The following P2RX1 variants were observed in gnomAD, a reference collection of about 807,000 sequenced individuals.
P2RX1 encodes purinergic receptor P2X 1, also known as P2X purinoceptor 1.
Under a neutral mutation model 50.3 loss-of-function variants are expected in P2RX1, and 42 were observed. That is an observed-to-expected ratio of 0.83 (90% CI 0.65 to 1.08). The LOEUF (loss-of-function observed/expected upper bound fraction) is 1.08. P2RX1 is among the 50% of genes least tolerant of loss of function. The pLI is 0.00. For missense variants in P2RX1, 449 were observed against 529.0 expected, an observed-to-expected ratio of 0.85 and a Z score of 1.48; for synonymous variants, 199 against 202.6, an observed-to-expected ratio of 0.98 and a Z score of 0.15.
intron 7 of P2RX1, among the ~76,000 whole-genome samples, chr17:3,902,117 TTTTATTTTTA>T (rs1240521737): frequency 6.6e-6 from 1 of 152,038 alleles, no homozygotes; most frequent in Non-Finnish European, 1.5e-5. Flanking sequence ...CAAGCTGCCT[TTTTATTTTTA>T]TTTATTTTTA....
At chr17:3,905,181 G>A (rs751809041) in intron 2 of P2RX1, 39 bp downstream of exon 2, 2 of 1,607,024 alleles carry the variant, frequency 1.2e-6, no homozygotes, top group South Asian at 2.2e-5. Flanking sequence ...CTCTGAGACA[G>A]GCCCTGTGAG....
At chr17:3,904,253 A>C (rs2144009657) in intron 4 of P2RX1, 77 bp downstream of exon 4, 3 of 1,388,900 alleles carry the variant, frequency 2.2e-6, no homozygotes, top group East Asian at 2.3e-5. Context: ...GAGGCAGGTC[A>C]GCACCAAGCT....
chr17:3,914,537 G>A lies in P2RX1; in HGVS notation c.137+1552C>T, dbSNP rs2056417485. On this transcript the variant is annotated intron_variant, in intron 1 of 11. Transcript: ENST00000225538. This position sits in a 1 kb window ranked among gnomAD's most constrained non-coding sequence, Gnocchi z 4.1. Reference sequence around the variant, plus strand: ...AGAACTAGGGAGCCGCAGGGGCAGAGAGAGGACAGCCTTCCCCCAGCCTCT... The same window carrying A: ...AGAACTAGGGAGCCGCAGGGGCAGAAAGAGGACAGCCTTCCCCCAGCCTCT... Among the ~76,000 whole-genome samples, 1 of 152,184 alleles carries A rather than the reference G, an allele frequency of 6.6e-6. No homozygotes were observed. The highest frequency in any genetic ancestry group is 2.4e-5 in the African/African-American group (1 of 41,432).
chr17:3,910,183 C>G (rs1046463868), intron 1 of P2RX1, among the ~76,000 whole-genome samples: 1 of 152,058 alleles, frequency 6.6e-6, no homozygotes, highest in Non-Finnish European at 1.5e-5. Context: ...CCATGTTGGC[C>G]AGGCTGGTCT....
chr17:3,905,426 C>T (rs1343686298), intron 1 of P2RX1, 59 bp from the exon 2 acceptor site: 29 of 1,584,892 alleles, frequency 1.8e-5, no homozygotes, highest in African/African-American at 9.4e-5. Flanking sequence ...ACCTGTCACA[C>T]GCTTTCCCAC....
intron 1 of P2RX1, among the ~76,000 whole-genome samples, chr17:3,905,701 G>T (rs529842258): frequency 6.6e-6 from 1 of 152,076 alleles, no homozygotes; most frequent in Non-Finnish European, 1.5e-5. Context: ...ACAAAAATTA[G>T]CTTGGCATGG....
At chr17:3,902,575 C>A (rs927694411) in intron 7 of P2RX1, among the ~76,000 whole-genome samples, 1 of 151,580 alleles carries the variant, frequency 6.6e-6, no homozygotes, top group Admixed American at 6.6e-5. Context: ...GGATTACAGG[C>A]GTGAACCACT....
chr17:3,898,919 A>C lies in P2RX1; in HGVS notation c.966+15T>G, dbSNP rs892593523. On this transcript the variant is annotated intron_variant, in intron 9 of 11. Coordinates refer to ENST00000225538, the MANE Select transcript of P2RX1 (RefSeq NM_002558.4). ...ATGTGTCTCAGCTGCCACCACCCTC[A>C]CACTGGACACTCACCTTGCCGTCCA... The C allele has an allele frequency of 7.5e-5, 120 of 1,602,128 alleles. No individual in the cohort carries two copies. The highest frequency in any genetic ancestry group is 1.0e-4 in the Non-Finnish European group (119 of 1,169,310).
Position 3,912,005 on chromosome 17 carries a change from G to C in P2RX1, c.137+4084C>G, listed in dbSNP as rs76779754. 3.0e-3 allele frequency among the ~76,000 whole-genome samples: 459 copies of C among 152,340 alleles called. 3 individuals are homozygous for C. Among genetic ancestry groups the C allele is most frequent in the Middle Eastern group, 0.01 (3 of 292 alleles). ...GGAGAAGGAGCCACTCTTGTGCCTC[G>C]GGAGTGGCTAAACTGGTGAGATGTT... On this transcript the variant is annotated intron_variant, in intron 1 of 11. Transcript: ENST00000225538.
chr17:3,899,073 G>C, intron 8 of P2RX1, 49 bp from the exon 9 acceptor site: 1 of 1,333,770 alleles, frequency 7.5e-7, no homozygotes, highest in Non-Finnish European at 1.1e-6. Flanking sequence ...GGACTGTCTT[G>C]GGTCTGGAGT....
chr17:3,898,065 T>G lies in P2RX1; in HGVS notation c.1078A>C (p.Arg360=). Residue 360 remains arginine, a synonymous_variant, in exon 11 of 12, where the codon AGG becomes CGG. Coordinates refer to ENST00000225538, the MANE Select transcript of P2RX1 (RefSeq NM_002558.4). The part of the protein sequence containing the change: ...DLLLLHILPK[R]HYYKQKKFKY... ...AACTTCTTCTGCTTGTAGTAGTGCC[T>G]CTTAGGCAGGATGTGAAGCAGCAGC... The G allele has an allele frequency of 1.9e-6, 3 of 1,613,136 alleles. No individual in the cohort carries two copies. The highest frequency in any genetic ancestry group is 2.5e-6 in the Non-Finnish European group (3 of 1,179,862).
intron 1 of P2RX1, among the ~76,000 whole-genome samples, chr17:3,908,915 G>A (rs1005880770): frequency 1.3e-5 from 2 of 152,210 alleles, no homozygotes; most frequent in African/African-American, 4.8e-5. Flanking sequence ...CAGAGGTGAC[G>A]CCACCTACCT....
intron 3 of P2RX1, 26 bp downstream of exon 3, chr17:3,904,831 AG>A: frequency 6.4e-7 from 1 of 1,559,874 alleles, no homozygotes; most frequent in Non-Finnish European, 8.7e-7. Flanking sequence ...GAGTCCCAGA[AG>A]GGGGCTGGCG....
intron 2 of P2RX1, 57 bp from the exon 3 acceptor site, chr17:3,904,986 C>T: frequency 7.7e-7 from 1 of 1,292,976 alleles, no homozygotes. Flanking sequence ...AGAAGAGCCC[C>T]AAGGGCCCCA....
chr17:3,898,121 G>A lies in P2RX1; in HGVS notation c.1033-11C>T. ...ACAGAGAACTGTGGCCTGGGGTCAG[G>A]GAAGGGCACGGAGACAGCGTGGGAA... On this transcript the variant is annotated splice_polypyrimidine_tract_variant and intron_variant, in intron 10 of 11. Transcript: ENST00000225538. 11 of 1,610,576 alleles carry A rather than the reference G, an allele frequency of 6.8e-6. No individual in the cohort carries two copies. The highest frequency in any genetic ancestry group is 9.3e-6 in the Non-Finnish European group (11 of 1,177,194).
Position 3,914,266 on chromosome 17 carries a change from G to A in P2RX1, c.137+1823C>T, listed in dbSNP as rs971139018. 1.3e-5 allele frequency among the ~76,000 whole-genome samples: 2 copies of A among 151,972 alleles called. No homozygotes were observed. Among genetic ancestry groups the A allele is most frequent in the Non-Finnish European group, 2.9e-5 (2 of 67,972 alleles). ...CTGTGAGATCCTGGCTAATCCCTGT[G>A]GTCCTGAGCCCCACAGACACCGAGA... On this transcript the variant is annotated intron_variant, in intron 1 of 11. Coordinates refer to ENST00000225538, the MANE Select transcript of P2RX1 (RefSeq NM_002558.4). The surrounding 1 kb of genome is among the most constrained non-coding windows in gnomAD (Gnocchi z 4.1).
intron 1 of P2RX1, among the ~76,000 whole-genome samples, chr17:3,912,624 C>A (rs1338042592): frequency 1.3e-5 from 2 of 152,238 alleles, no homozygotes; most frequent in East Asian, 3.8e-4. Flanking sequence ...AGCCAACGCA[C>A]CCGGCCCACC....
chr17:3,902,925 G>GTTTTTTTTTTTT (rs555049705), intron 7 of P2RX1, among the ~76,000 whole-genome samples: 73 of 143,188 alleles, frequency 5.1e-4, no homozygotes, highest in African/African-American at 1.9e-3. Context: ...CTTTTATCTA[G>GTTTTTTTTTTTT]TTTTTTTTTT....
intron 8 of P2RX1, 105 bp downstream of exon 8, chr17:3,899,529 C>T (rs2056096607): frequency 4.0e-6 from 6 of 1,483,820 alleles, no homozygotes; most frequent in Non-Finnish European, 5.6e-6. Context: ...GCCCAGGACC[C>T]TCTGCTCCCC....
Sources: gnomAD v4.1 joint callset for allele counts (sites outside exome capture counted in the v4.1 genomes callset) on GRCh38, gnomAD v4.1.1 for gene constraint, Gnocchi (gnomAD v3.1) non-coding constraint, MANE v1.5 for transcripts, NCBI Gene and HGNC (gene_info 2026-07-23, HGNC 2026-07-21) for gene names.